Variants in ULK4 observed in about 807,000 individuals in gnomAD.
ULK4 encodes the protein inactive serine/threonine-protein kinase ULK4.
A neutral mutation model predicts 160.6 loss-of-function variants in ULK4; 133 were observed. The observed-to-expected ratio is 0.83, with a 90% CI of 0.72 to 0.96. ULK4 has a LOEUF of 0.96. Among genes scored for constraint, ULK4 ranks in the 40% least tolerant of loss-of-function variants. The probability of loss-of-function intolerance (pLI) is 0.00; values close to 1 mark genes in which losing one functional copy is unlikely to be tolerated. For synonymous variants in ULK4, 534 were observed against 539.8 expected (o/e 0.99, Z 0.15); for missense variants, 1,580 against 1,499.5 (o/e 1.05, Z -0.89).
At chr3:41,417,083 C>T (rs2082544552) in intron 34 of ULK4, among the ~76,000 whole-genome samples, 1 of 152,092 alleles carries the variant, frequency 6.6e-6, no homozygotes, top group Non-Finnish European at 1.5e-5. Context: ...AAGGAGTGAC[C>T]ACCTGGAAGC....
At chr3:41,448,632 C>T (rs78938680) in intron 34 of ULK4, among the ~76,000 whole-genome samples, 1,640 of 152,184 alleles carry the variant, frequency 0.011, 31 homozygotes, top group Non-Finnish European at 0.016. Flanking sequence ...GTGGAAGGCT[C>T]CTGTGGTCCT....
intron 27 of ULK4, among the ~76,000 whole-genome samples, chr3:41,697,447 T>A (rs914176984): frequency 4.6e-5 from 7 of 152,262 alleles, no homozygotes; most frequent in Non-Finnish European, 8.8e-5. Flanking sequence ...GAAAAAAGCT[T>A]ATCAAATAAG....
intron 35 of ULK4, among the ~76,000 whole-genome samples, chr3:41,390,646 G>A (rs1384880411): frequency 6.6e-6 from 1 of 152,050 alleles, no homozygotes; most frequent in Non-Finnish European, 1.5e-5. Context: ...TTCAGGAGCA[G>A]GTTGTTCAGT....
intron 35 of ULK4, among the ~76,000 whole-genome samples, chr3:41,281,075 G>C (rs1052363103): frequency 4.6e-5 from 7 of 152,038 alleles, no homozygotes; most frequent in African/African-American, 1.7e-4. Flanking sequence ...ATAAATTCCT[G>C]GACACATACA....
intron 18 of ULK4, among the ~76,000 whole-genome samples, chr3:41,833,465 T>C (rs2041659382): frequency 6.6e-6 from 1 of 151,864 alleles, no homozygotes; most frequent in African/African-American, 2.4e-5. Context: ...CTGGCTAATT[T>C]TTTTGTATTT....
chr3:41,648,142 C>T (rs960867228), intron 30 of ULK4, among the ~76,000 whole-genome samples: 9 of 152,184 alleles, frequency 5.9e-5, no homozygotes, highest in Admixed American at 1.3e-4. Context: ...TGACCCCTTG[C>T]GCTTCCCGAG....
chr3:41,767,989 G>A (rs1001438812), intron 21 of ULK4, among the ~76,000 whole-genome samples: 10 of 152,238 alleles, frequency 6.6e-5, no homozygotes, highest in Admixed American at 2.0e-4. Context: ...GAAGGTGAGC[G>A]GTGGGCGAGC....
At chr3:41,320,505 G>A (rs929533294) in intron 35 of ULK4, among the ~76,000 whole-genome samples, 1 of 152,098 alleles carries the variant, frequency 6.6e-6, no homozygotes, top group Admixed American at 6.6e-5. Flanking sequence ...GAACTTGCCC[G>A]GCCCCAGAAC....
At chr3:41,865,831 A>T (rs1696839192) in intron 17 of ULK4, among the ~76,000 whole-genome samples, 1 of 152,196 alleles carries the variant, frequency 6.6e-6, no homozygotes. Flanking sequence ...CAAAACTACA[A>T]AAATTTTAGA....
At chr3:41,519,450 T>C (rs569855005) in intron 32 of ULK4, among the ~76,000 whole-genome samples, 1 of 152,350 alleles carries the variant, frequency 6.6e-6, no homozygotes, top group South Asian at 2.1e-4. Context: ...CCAATATTTA[T>C]TTTTAAATCT....
At chr3:41,906,037 G>T (rs1441914757) in intron 12 of ULK4, among the ~76,000 whole-genome samples, 1 of 151,892 alleles carries the variant, frequency 6.6e-6, no homozygotes, top group Non-Finnish European at 1.5e-5. Flanking sequence ...CTAACACGGT[G>T]AAACCCCGTC....
At chr3:41,344,136 C>A (rs928611408) in intron 35 of ULK4, among the ~76,000 whole-genome samples, 1 of 152,076 alleles carries the variant, frequency 6.6e-6, no homozygotes, top group Non-Finnish European at 1.5e-5. Context: ...AGACATAAAC[C>A]AATGGAACAG....
At chr3:41,804,527 T>C (rs541237011) in intron 19 of ULK4, among the ~76,000 whole-genome samples, 170 of 151,402 alleles carry the variant, frequency 1.1e-3, no homozygotes, top group Non-Finnish European at 1.9e-4. Context: ...TTGCCATTGC[T>C]TTTGGTGTTT....
chr3:41,481,644 G>A (rs965635533), intron 32 of ULK4, among the ~76,000 whole-genome samples: 8 of 151,346 alleles, frequency 5.3e-5, no homozygotes, highest in Non-Finnish European at 8.8e-5. Flanking sequence ...CGGCTAAAAC[G>A]GTGAAACCCC....
At chr3:41,438,281 C>T (rs1031606667) in intron 34 of ULK4, among the ~76,000 whole-genome samples, 4 of 151,990 alleles carry the variant, frequency 2.6e-5, no homozygotes, top group African/African-American at 9.7e-5. Flanking sequence ...GACCATATAA[C>T]TTTTTTTGTA....
chr3:41,353,744 CTACT>C (rs2080971006), intron 35 of ULK4, among the ~76,000 whole-genome samples: 3 of 143,892 alleles, frequency 2.1e-5, no homozygotes, highest in Non-Finnish European at 3.0e-5. Flanking sequence ...ACTACTACTA[CTACT>C]ACTAAAGCAA....
chr3:41,812,496 T>C (rs1001652036), intron 19 of ULK4, among the ~76,000 whole-genome samples: 1 of 152,164 alleles, frequency 6.6e-6, no homozygotes, highest in Admixed American at 6.5e-5. Context: ...AAGGTATCCA[T>C]GATAATATGG....
chr3:41,247,015 T>C (rs1185057488), intron 36 of ULK4, 23 bp from the exon 37 acceptor site: 1 of 1,611,160 alleles, frequency 6.2e-7, no homozygotes, highest in East Asian at 2.2e-5. Context: ...CCAAAGTAGG[T>C]ACACTTAATA....
At chr3:41,841,963 A>G (rs935533814) in intron 17 of ULK4, among the ~76,000 whole-genome samples, 7 of 151,768 alleles carry the variant, frequency 4.6e-5, no homozygotes, top group African/African-American at 1.7e-4. Context: ...AGTCATCACC[A>G]CTCCCTAATC....
Sources: gnomAD v4.1 joint callset for allele counts (sites outside exome capture counted in the v4.1 genomes callset) on GRCh38, gnomAD v4.1.1 for gene constraint, MANE v1.5 for transcripts, NCBI Gene and HGNC (gene_info 2026-07-23, HGNC 2026-07-21) for gene names.